Variants in CLIP1 observed in about 807,000 individuals in gnomAD.
CLIP1 encodes the protein CAP-Gly domain containing linker protein 1.
A neutral mutation model predicts 161.6 loss-of-function variants in CLIP1; 66 were observed. That is an observed-to-expected ratio of 0.41 (90% CI 0.33 to 0.50). The LOEUF (loss-of-function observed/expected upper bound fraction) is 0.50. Among genes scored for constraint, CLIP1 ranks in the 20% least tolerant of loss-of-function variants. CLIP1 has a pLI of 0.27. For missense variants in CLIP1, 1,376 were observed against 1,702.0 expected, an observed-to-expected ratio of 0.81 and a Z score of 3.37; for synonymous variants, 598 against 626.2, an observed-to-expected ratio of 0.96 and a Z score of 0.67.
intron 9 of CLIP1, among the ~76,000 whole-genome samples, chr12:122,349,765 A>G (rs1952930823): frequency 6.6e-6 from 1 of 152,280 alleles, no homozygotes; most frequent in Non-Finnish European, 1.5e-5. Context: ...AATCCCATGC[A>G]GACTGACACC....
intron 1 of CLIP1, 120 bp from the exon 2 acceptor site, chr12:122,380,678 C>T (rs1954974398): frequency 5.7e-6 from 2 of 348,654 alleles, no homozygotes; most frequent in African/African-American, 4.2e-5. Flanking sequence ...CAGGCTGAAC[C>T]TAGGAACCTA....
chr12:122,352,668 GCCCGTGTTCTGAATACTGATA>G (rs1347908165), intron 8 of CLIP1, 37 bp downstream of exon 8: 2 of 1,401,590 alleles, frequency 1.4e-6, no homozygotes, highest in East Asian at 4.6e-5. Context: ...GCATTATTTC[GCCCGTGTTCTGAATACTGATA>G]CCCATAAAAG....
chr12:122,285,908 C>G (rs780706190), intron 21 of CLIP1, among the ~76,000 whole-genome samples: 1 of 151,570 alleles, frequency 6.6e-6, no homozygotes, highest in Non-Finnish European at 1.5e-5. Context: ...TTAAATACCC[C>G]GAGGCCCACA....
chr12:122,373,892 C>T (rs1954581895), intron 3 of CLIP1, among the ~76,000 whole-genome samples: 1 of 152,032 alleles, frequency 6.6e-6, no homozygotes, highest in East Asian at 1.9e-4. Flanking sequence ...TATAGACAAA[C>T]CTCACAAAAA....
At chr12:122,381,467 T>C (rs1199419003) in intron 1 of CLIP1, among the ~76,000 whole-genome samples, 1 of 152,206 alleles carries the variant, frequency 6.6e-6, no homozygotes, top group African/African-American at 2.4e-5. Context: ...ACTTTTGGAC[T>C]AAGGTAAAAT....
chr12:122,404,690 C>CAG (rs879809579), intron 1 of CLIP1, among the ~76,000 whole-genome samples: 96,616 of 150,628 alleles, frequency 0.64, 31,359 homozygotes, highest in African/African-American at 0.66. Context: ...AGGTCGGATC[C>CAG]ATCAAGACCA....
chr12:122,342,310 A>T (rs1158966370), intron 10 of CLIP1: 1 of 152,256 alleles, frequency 6.6e-6, no homozygotes, highest in Non-Finnish European at 1.5e-5. Flanking sequence ...GCCTCCTGAA[A>T]GAAAACATTT....
At chr12:122,356,706 T>C (rs1269216864) in intron 5 of CLIP1, among the ~76,000 whole-genome samples, 1 of 152,164 alleles carries the variant, frequency 6.6e-6, no homozygotes, top group Non-Finnish European at 1.5e-5. Context: ...TGGACTGTAC[T>C]GCTGCCATCT....
intron 3 of CLIP1, among the ~76,000 whole-genome samples, chr12:122,375,509 G>A (rs1222586922): frequency 6.6e-6 from 1 of 152,006 alleles, no homozygotes; most frequent in Non-Finnish European, 1.5e-5. Context: ...TAGAGACGGG[G>A]TTTCACCATG....
At position 122,332,265 on chromosome 12, in the gene CLIP1, A is replaced by T. The variant is rs143599197; in HGVS notation, c.2867+722T>A. On this transcript the variant is annotated intron_variant, in intron 15 of 25. Coordinates refer to ENST00000620786, the MANE Select transcript of CLIP1 (RefSeq NM_001247997.2). ...AGCTGAGATCGCACCATTGCACTCC[A>T]GACTGGGCAAGAAGAGCAAAACTCC... 5.4e-4 allele frequency among the ~76,000 whole-genome samples: 82 copies of T among 150,980 alleles called. No homozygotes were observed. The East Asian group carries it at 0.016, about 29-fold the overall frequency.
chr12:122,278,601 A>G, intron 23 of CLIP1, 191 bp downstream of exon 23: 2 of 585,596 alleles, frequency 3.4e-6, no homozygotes, highest in Non-Finnish European at 5.7e-6. Context: ...ATATTGACAG[A>G]CCACAAGAAG....
intron 1 of CLIP1, among the ~76,000 whole-genome samples, chr12:122,412,868 C>A (rs1396606992): frequency 6.6e-6 from 1 of 151,698 alleles, no homozygotes; most frequent in Non-Finnish European, 1.5e-5. Flanking sequence ...AAAAATAAAC[C>A]TGAGACCCTA....
intron 24 of CLIP1, chr12:122,277,834 T>TA (rs369570520): frequency 0.015 from 3,317 of 215,138 alleles, 2 homozygotes; most frequent in South Asian, 0.029. Context: ...TTATTTATGT[T>TA]AAAAAAAAAA....
intron 3 of CLIP1, among the ~76,000 whole-genome samples, chr12:122,373,596 T>C (rs1954566438): frequency 6.6e-6 from 1 of 151,976 alleles, no homozygotes; most frequent in African/African-American, 2.4e-5. Context: ...GCTTTTTGGA[T>C]TGCAATTTGG....
At chr12:122,290,254 T>C (rs1219164300) in intron 20 of CLIP1, among the ~76,000 whole-genome samples, 1 of 152,206 alleles carries the variant, frequency 6.6e-6, no homozygotes, top group African/African-American at 2.4e-5. Flanking sequence ...CCCTTTACCA[T>C]GAAATCTGTA....
intron 3 of CLIP1, among the ~76,000 whole-genome samples, 196 bp from the exon 4 acceptor site, chr12:122,364,303 G>A (rs1485679023): frequency 1.3e-5 from 2 of 152,088 alleles, no homozygotes; most frequent in Non-Finnish European, 2.9e-5. Context: ...TATATTACCA[G>A]AGTGATTTGA....
intron 11 of CLIP1, among the ~76,000 whole-genome samples, chr12:122,337,385 TG>T (rs1952276186): frequency 6.8e-6 from 1 of 148,136 alleles, no homozygotes; most frequent in Non-Finnish European, 1.5e-5. Context: ...AGGCGGAGGT[TG>T]GGTGAGCCGA....
chr12:122,347,300 C>A (rs1952796853), intron 10 of CLIP1, 75 bp downstream of exon 10: 1 of 1,128,520 alleles, frequency 8.9e-7, no homozygotes, highest in Non-Finnish European at 1.3e-6. Context: ...CTCAGGCCAA[C>A]TATAAAGCAT....
chr12:122,331,791 T>G (rs1951982563), intron 15 of CLIP1, among the ~76,000 whole-genome samples: 1 of 151,086 alleles, frequency 6.6e-6, no homozygotes, highest in Admixed American at 6.6e-5. Context: ...GGTCAGGAGT[T>G]TGAGACCACC....
Sources: allele counts gnomAD v4.1 joint callset (sites outside exome capture counted in the v4.1 genomes callset), GRCh38; gene constraint gnomAD v4.1.1; transcripts MANE v1.5; gene names NCBI Gene and HGNC (gene_info 2026-07-23, HGNC 2026-07-21).